The following SYNDIG1 variants were observed in gnomAD, a reference collection of about 807,000 sequenced individuals.
SYNDIG1 encodes the protein synapse differentiation-inducing gene protein 1.
A neutral mutation model predicts 19.4 loss-of-function variants in SYNDIG1; 9 were observed. The ratio of observed to expected loss-of-function variants is 0.46; its 90% CI spans 0.28 to 0.81. The LOEUF is 0.81. SYNDIG1 is among the 30% of genes least tolerant of loss of function. The pLI is 0.12. For synonymous variants in SYNDIG1, 141 were observed against 145.9 expected, an observed-to-expected ratio of 0.97 and a Z score of 0.24; for missense variants, 311 against 343.3, an observed-to-expected ratio of 0.91 and a Z score of 0.74.
chr20:24,545,806 A>G (rs1019975871), intron 2 of SYNDIG1, among the ~76,000 whole-genome samples: 1 of 152,196 alleles, frequency 6.6e-6, no homozygotes. Context: ...AATTCTTTTA[A>G]TAATACAGCA....
intron 3 of SYNDIG1, among the ~76,000 whole-genome samples, chr20:24,641,732 C>T (rs1261698032): frequency 6.6e-6 from 1 of 152,134 alleles, no homozygotes; most frequent in African/African-American, 2.4e-5. Flanking sequence ...CACCAGGCAG[C>T]CAAGGATGGA....
intron 1 of SYNDIG1, among the ~76,000 whole-genome samples, chr20:24,500,662 A>G (rs1486261257): frequency 6.6e-6 from 1 of 151,882 alleles, no homozygotes; most frequent in African/African-American, 2.4e-5. Flanking sequence ...GTGTGCAGAC[A>G]CCACAGCATC....
intron 1 of SYNDIG1, among the ~76,000 whole-genome samples, chr20:24,509,207 T>C (rs150350444): frequency 8.5e-5 from 13 of 152,350 alleles, no homozygotes; most frequent in Non-Finnish European, 1.8e-4. Flanking sequence ...TGTGTGTATG[T>C]ATGTATATGT....
At chr20:24,538,774 T>G (rs939315495) in intron 1 of SYNDIG1, among the ~76,000 whole-genome samples, 4 of 27,806 alleles carry the variant, frequency 1.4e-4, no homozygotes, top group African/African-American at 2.0e-4. Flanking sequence ...TTATTTTCCG[T>G]TTTTTTTTTT....
intron 2 of SYNDIG1, among the ~76,000 whole-genome samples, chr20:24,573,883 C>T (rs75632589): frequency 0.01 from 1,536 of 152,310 alleles, 12 homozygotes; most frequent in Admixed American, 0.017. Flanking sequence ...GCTCCCCTTA[C>T]CCCACACCTT....
At chr20:24,575,728 A>G (rs1479988080) in intron 2 of SYNDIG1, among the ~76,000 whole-genome samples, 1 of 152,246 alleles carries the variant, frequency 6.6e-6, no homozygotes, top group Non-Finnish European at 1.5e-5. Flanking sequence ...TGATTTAGGA[A>G]TATTGGACTA....
At chr20:24,516,208 A>T (rs1320143686) in intron 1 of SYNDIG1, among the ~76,000 whole-genome samples, 1 of 152,260 alleles carries the variant, frequency 6.6e-6, no homozygotes, top group Non-Finnish European at 1.5e-5. Flanking sequence ...TTAAAATGCT[A>T]GACCGAAAAC....
chr20:24,548,251 T>C (rs6049779), intron 2 of SYNDIG1, among the ~76,000 whole-genome samples: 152,072 of 152,306 alleles, frequency 1, 75,920 homozygotes, highest in African/African-American at 1. Flanking sequence ...CTCATGATGA[T>C]GCTGTTCTTT....
At chr20:24,587,878 C>G (rs994627522) in intron 3 of SYNDIG1, among the ~76,000 whole-genome samples, 2 of 152,196 alleles carry the variant, frequency 1.3e-5, no homozygotes, top group Non-Finnish European at 2.9e-5. Context: ...GATCATATCA[C>G]AGTGTACTCA....
At chr20:24,655,157 C>T (rs962765902) in intron 3 of SYNDIG1, among the ~76,000 whole-genome samples, 2 of 152,122 alleles carry the variant, frequency 1.3e-5, no homozygotes, top group African/African-American at 4.8e-5. Flanking sequence ...GAGCAGAACA[C>T]CAGGAGTGTG....
At chr20:24,574,895 GAAACTTCTCA>G in intron 2 of SYNDIG1, among the ~76,000 whole-genome samples, 1 of 152,214 alleles carries the variant, frequency 6.6e-6, no homozygotes, top group Non-Finnish European at 1.5e-5. Context: ...GTGCTAATCA[GAAACTTCTCA>G]GAGGAGAAAT....
chr20:24,496,426 A>C (rs1037370359), intron 1 of SYNDIG1, among the ~76,000 whole-genome samples: 1 of 152,170 alleles, frequency 6.6e-6, no homozygotes, highest in African/African-American at 2.4e-5. Context: ...TCAGCAGACA[A>C]ATGTTTCATT....
intron 3 of SYNDIG1, among the ~76,000 whole-genome samples, chr20:24,655,663 A>G (rs2059517425): frequency 6.6e-6 from 1 of 152,160 alleles, no homozygotes; most frequent in South Asian, 2.1e-4. Context: ...AAACACTGTG[A>G]ACATATTCCT....
intron 1 of SYNDIG1, among the ~76,000 whole-genome samples, chr20:24,493,522 GT>G (rs1472232001): frequency 6.6e-6 from 1 of 152,244 alleles, no homozygotes; most frequent in Non-Finnish European, 1.5e-5. Context: ...CTGTGGTGAA[GT>G]TTGCTTACTG....
At chr20:24,647,410 G>T (rs2059432511) in intron 3 of SYNDIG1, among the ~76,000 whole-genome samples, 1 of 152,100 alleles carries the variant, frequency 6.6e-6, no homozygotes, top group African/African-American at 2.4e-5. Flanking sequence ...CGCTTCAGAG[G>T]CAAGTTTCTT....
intron 3 of SYNDIG1, among the ~76,000 whole-genome samples, chr20:24,586,308 G>C (rs148322331): frequency 0.022 from 3,310 of 152,254 alleles, 50 homozygotes; most frequent in Middle Eastern, 0.037. Context: ...AGCGTCTGTC[G>C]GAGCTTCTCT....
chr20:24,589,616 G>A (rs374540431), intron 3 of SYNDIG1, among the ~76,000 whole-genome samples: 7 of 152,350 alleles, frequency 4.6e-5, no homozygotes, highest in Admixed American at 2.6e-4. Context: ...CTGGACCTGC[G>A]CCGGGCAGGC....
chr20:24,603,796 A>G (rs2058713578), intron 3 of SYNDIG1, among the ~76,000 whole-genome samples: 4 of 152,222 alleles, frequency 2.6e-5, no homozygotes, highest in Admixed American at 1.3e-4. Context: ...ATGAGCAGAG[A>G]CATTCGTCAG....
At chr20:24,494,206 A>G (rs1382265964) in intron 1 of SYNDIG1, among the ~76,000 whole-genome samples, 1 of 152,216 alleles carries the variant, frequency 6.6e-6, no homozygotes, top group Non-Finnish European at 1.5e-5. Flanking sequence ...ATTGAGAAGC[A>G]CAGCAGGGCA....
Sources: gnomAD v4.1 joint callset for allele counts (sites outside exome capture counted in the v4.1 genomes callset) on GRCh38, gnomAD v4.1.1 for gene constraint, MANE v1.5 for transcripts, NCBI Gene and HGNC (gene_info 2026-07-23, HGNC 2026-07-21) for gene names.